The following IGF1R variants were observed in gnomAD, a reference collection of about 807,000 sequenced individuals.
IGF1R encodes insulin like growth factor 1 receptor, also known as insulin-like growth factor 1 receptor.
IGF1R carries 44 observed loss-of-function variants against 144.6 expected under a neutral mutation model. The ratio of observed to expected loss-of-function variants is 0.30; its 90% CI spans 0.24 to 0.39. The LOEUF (loss-of-function observed/expected upper bound fraction) is 0.39, where lower values mean the gene tolerates loss of function less well. IGF1R is among the 10% of genes least tolerant of loss of function. IGF1R has a pLI of 1.00. For missense variants in IGF1R, 1,355 were observed against 1,833.7 expected, an observed-to-expected ratio of 0.74 and a Z score of 4.77; for synonymous variants, 795 against 722.8, an observed-to-expected ratio of 1.10 and a Z score of -1.60.
At chr15:98,687,948 A>G (rs2141225891) in intron 1 of IGF1R, among the ~76,000 whole-genome samples, 1 of 152,160 alleles carries the variant, frequency 6.6e-6, no homozygotes, top group East Asian at 1.9e-4. Context: ...GTGGTCCTGG[A>G]GTGCTGTGGA....
intron 2 of IGF1R, among the ~76,000 whole-genome samples, chr15:98,806,125 A>G (rs2056465195): frequency 6.6e-6 from 1 of 152,190 alleles, no homozygotes; most frequent in Non-Finnish European, 1.5e-5. Context: ...TTGAAATTAG[A>G]ACGGCCTCAC....
At position 98,960,171 on chromosome 15, in the gene IGF1R, C is replaced by T. The variant is rs1482946714; in HGVS notation, c.*2729C>T. ...CTGGTAACCTCATCCACGCCACAGG[C>T]GCCACACCCAGGTGATGCAGGGGGA... On this transcript the variant is annotated 3_prime_UTR_variant, in exon 21 of 21. Transcript: ENST00000650285. The T allele has an allele frequency of 4.3e-5, 10 of 233,610 alleles. No individual in the cohort carries two copies. The highest frequency in any genetic ancestry group is 1.2e-3 in the Middle Eastern group (1 of 808). 14.5% of individuals were successfully genotyped at this position (233,610 alleles called of 1,614,324 possible). A position where few individuals can be genotyped will look rare whatever the true frequency, so the allele number is the denominator to read the frequency against.
At chr15:98,922,113 A>G (rs767508087) in intron 10 of IGF1R, 35 bp from the exon 11 acceptor site, 1 of 1,612,890 alleles carries the variant, frequency 6.2e-7, no homozygotes, top group Non-Finnish European at 8.5e-7. Flanking sequence ...AAGAGGTAAA[A>G]GTACTTAAAA....
At chr15:98,920,785 C>T (rs1034818914) in intron 10 of IGF1R, among the ~76,000 whole-genome samples, 5 of 152,094 alleles carry the variant, frequency 3.3e-5, no homozygotes, top group African/African-American at 9.7e-5. Flanking sequence ...CGGTAGGACC[C>T]CCGTGTGCCA....
chr15:98,785,661 G>A (rs1457862961), intron 2 of IGF1R, among the ~76,000 whole-genome samples: 1 of 152,158 alleles, frequency 6.6e-6, no homozygotes, highest in Non-Finnish European at 1.5e-5. Context: ...GTACTTTGAA[G>A]ATTGAATTCG....
intron 2 of IGF1R, among the ~76,000 whole-genome samples, chr15:98,865,603 A>T (rs1013747812): frequency 6.6e-6 from 1 of 152,204 alleles, no homozygotes; most frequent in Non-Finnish European, 1.5e-5. Context: ...TTGGGAAGAT[A>T]TGAACTCCTT....
At chr15:98,887,591 C>G (rs1167992823) in intron 2 of IGF1R, among the ~76,000 whole-genome samples, 1 of 152,196 alleles carries the variant, frequency 6.6e-6, no homozygotes, top group Non-Finnish European at 1.5e-5. Context: ...TTTCCTTCCT[C>G]TAATGACAAA....
intron 2 of IGF1R, among the ~76,000 whole-genome samples, chr15:98,741,235 C>CTTTTTTTTT (rs540942858): frequency 1.4e-5 from 1 of 70,330 alleles, no homozygotes; most frequent in African/African-American, 7.0e-5. Context: ...TTTTCCTGAG[C>CTTTTTTTTT]TTTTTTTTTT....
At chr15:98,933,465 C>A (rs577322347) in intron 15 of IGF1R, among the ~76,000 whole-genome samples, 9 of 151,990 alleles carry the variant, frequency 5.9e-5, no homozygotes, top group African/African-American at 1.9e-4. Flanking sequence ...TGCCTCAGCC[C>A]CCTGAGTAGC....
At chr15:98,650,424 CG>C (rs1188969170) in intron 1 of IGF1R, among the ~76,000 whole-genome samples, 2 of 152,204 alleles carry the variant, frequency 1.3e-5, no homozygotes, top group African/African-American at 4.8e-5. Context: ...AGTGCGAGGC[CG>C]GGAGTCTTCC....
At chr15:98,723,805 A>G (rs1335032243) in intron 2 of IGF1R, among the ~76,000 whole-genome samples, 1 of 152,188 alleles carries the variant, frequency 6.6e-6, no homozygotes, top group African/African-American at 2.4e-5. Context: ...TGCTGTATCT[A>G]TATTATGAAG....
chr15:98,691,572 C>G (rs2053478055), intron 1 of IGF1R, among the ~76,000 whole-genome samples: 1 of 152,038 alleles, frequency 6.6e-6, no homozygotes, highest in African/African-American at 2.4e-5. Flanking sequence ...CCAGGTTGGG[C>G]AGGCTGGTCT....
chr15:98,894,907 G>A (rs1292871636), intron 3 of IGF1R, among the ~76,000 whole-genome samples: 1 of 151,970 alleles, frequency 6.6e-6, no homozygotes, highest in African/African-American at 2.4e-5. Flanking sequence ...TGTATTTCCA[G>A]CTACTCAGGA....
chr15:98,934,117 T>C (rs1353963027), intron 15 of IGF1R, among the ~76,000 whole-genome samples: 2 of 34,478 alleles, frequency 5.8e-5, no homozygotes, highest in Admixed American at 8.1e-4. Context: ...ATATTTCACT[T>C]TTTTTTTTTT....
intron 2 of IGF1R, among the ~76,000 whole-genome samples, chr15:98,833,658 G>A (rs1039356111): frequency 6.6e-6 from 1 of 152,202 alleles, no homozygotes; most frequent in South Asian, 2.1e-4. Context: ...GTTAGGAAAT[G>A]TCATGTAATA....
chr15:98,652,026 A>G (rs1162819533), intron 1 of IGF1R, among the ~76,000 whole-genome samples: 1 of 152,096 alleles, frequency 6.6e-6, no homozygotes, highest in African/African-American at 2.4e-5. Context: ...GTGGAGAAAT[A>G]AAGACAGGGT....
At chr15:98,787,623 T>C (rs1400295076) in intron 2 of IGF1R, among the ~76,000 whole-genome samples, 2 of 152,108 alleles carry the variant, frequency 1.3e-5, no homozygotes, top group African/African-American at 4.8e-5. Flanking sequence ...AAACAGAGTA[T>C]TGATCCTTAA....
chr15:98,762,218 T>TTTTTC (rs199959956), intron 2 of IGF1R, among the ~76,000 whole-genome samples: 2 of 136,720 alleles, frequency 1.5e-5, no homozygotes, highest in African/African-American at 5.3e-5. Context: ...TATCATTTGA[T>TTTTTC]TTTTCTTTTC....
chr15:98,820,722 T>C (rs1356547659), intron 2 of IGF1R: 1 of 152,188 alleles, frequency 6.6e-6, no homozygotes, highest in East Asian at 1.9e-4. Context: ...TAAGTGCATA[T>C]AAAACAAAAA....
Sources: allele counts gnomAD v4.1 joint callset (sites outside exome capture counted in the v4.1 genomes callset), GRCh38; gene constraint gnomAD v4.1.1; transcripts MANE v1.5; gene names NCBI Gene and HGNC (gene_info 2026-07-23, HGNC 2026-07-21).